C8orf89: variants seen among roughly 807,000 people sequenced by gnomAD.
C8orf89 encodes putative uncharacterized protein C8orf89.
In C8orf89, 14 loss-of-function variants were observed where a neutral mutation model predicts 15.8. The observed-to-expected ratio is 0.89, with a 90% CI of 0.59 to 1.39. The LOEUF (loss-of-function observed/expected upper bound fraction) is 1.39, where lower values mean the gene tolerates loss of function less well. C8orf89 is among the 40% of genes most tolerant of loss of function. The pLI, the probability that C8orf89 is intolerant of heterozygous loss-of-function variation, is 0.00. For synonymous variants in C8orf89, 55 were observed against 62.2 expected, an observed-to-expected ratio of 0.88 and a Z score of 0.54; for missense variants, 181 against 184.5, an observed-to-expected ratio of 0.98 and a Z score of 0.11.
At chr8:73,264,387 GA>G (rs2130301930), upstream of C8orf89, among the ~76,000 whole-genome samples, 1 of 152,274 alleles carries the variant, frequency 6.6e-6, no homozygotes, top group South Asian at 2.1e-4. Context: ...GTGAGCAGAT[GA>G]ATCTGTAAGG....
the C8orf89 span, among the ~76,000 whole-genome samples, chr8:73,274,731 C>T: frequency 3.2e-4 from 48 of 152,162 alleles, no homozygotes; most frequent in African/African-American, 9.6e-4. Flanking sequence ...TTTAACTGCA[C>T]GTAGGTATAG....
chr8:73,254,397 T>A (rs1336793787), intron 2 of C8orf89, among the ~76,000 whole-genome samples: 1 of 152,186 alleles, frequency 6.6e-6, no homozygotes, highest in Non-Finnish European at 1.5e-5. Flanking sequence ...AAATTCTCTT[T>A]TTTGGTTGTG....
chr8:73,277,811 C>G, the C8orf89 span: 1 of 722,216 alleles, frequency 1.4e-6, no homozygotes, highest in East Asian at 2.8e-5. Flanking sequence ...TCCGCACAGC[C>G]ATAATCACAG....
At chr8:73,244,487 T>A (rs1418745157) in intron 3 of C8orf89, among the ~76,000 whole-genome samples, 2 of 152,210 alleles carry the variant, frequency 1.3e-5, no homozygotes, top group African/African-American at 4.8e-5. Flanking sequence ...ATATACAATA[T>A]ACAAATATGT....
At chr8:73,277,088 T>A in the C8orf89 span, among the ~76,000 whole-genome samples, 1 of 152,158 alleles carries the variant, frequency 6.6e-6, no homozygotes, top group Non-Finnish European at 1.5e-5. Flanking sequence ...ATTACAAGCA[T>A]GAGCCACTGC....
the C8orf89 span, among the ~76,000 whole-genome samples, chr8:73,282,284 T>C: frequency 3.3e-5 from 5 of 152,354 alleles, no homozygotes; most frequent in African/African-American, 7.2e-5. Context: ...TATACAACTA[T>C]AATACAAAGC....
At chr8:73,243,521 C>A (rs1392695023) in intron 3 of C8orf89, among the ~76,000 whole-genome samples, 1 of 152,028 alleles carries the variant, frequency 6.6e-6, no homozygotes, top group Non-Finnish European at 1.5e-5. Flanking sequence ...TGTTTACTTT[C>A]TTTTTCTTTT....
chr8:73,244,125 C>T (rs1015118022), intron 3 of C8orf89, among the ~76,000 whole-genome samples: 1 of 152,100 alleles, frequency 6.6e-6, no homozygotes, highest in Non-Finnish European at 1.5e-5. Flanking sequence ...CTCATAAATG[C>T]TAAGTGAAGT....
At chr8:73,283,582 GAAT>G in the C8orf89 span, among the ~76,000 whole-genome samples, 3 of 152,150 alleles carry the variant, frequency 2.0e-5, no homozygotes, top group Non-Finnish European at 4.4e-5. Flanking sequence ...TTCTTTTAAA[GAAT>G]AATAAATACA....
At chr8:73,277,582 C>T in the C8orf89 span, 2 of 763,194 alleles carry the variant, frequency 2.6e-6, no homozygotes, top group African/African-American at 1.7e-5. Flanking sequence ...CACTCCCAGA[C>T]AGATAAATCC....
rs529533407 is a variant in C8orf89 at position 73,248,478 on chromosome 8, A to C, written c.337+1790T>G. Among the ~76,000 whole-genome samples the C allele has an allele frequency of 3.9e-5, 6 of 152,320 alleles. No individual in the cohort carries two copies. The East Asian group carries it at 1.2e-3, about 29-fold the overall frequency. ...ATAGTTTTTTCTAGTTCTATGAAGAATGTCATTGGTAGTTTAATAGGAATC... is the reference window on the plus strand; with the variant it reads ...ATAGTTTTTTCTAGTTCTATGAAGACTGTCATTGGTAGTTTAATAGGAATC... On this transcript the variant is annotated intron_variant, in intron 3 of 3. Coordinates refer to ENST00000624510, the MANE Select transcript of C8orf89 (RefSeq NM_001243237.3).
chr8:73,250,771 T>C (rs1813229328), intron 2 of C8orf89, among the ~76,000 whole-genome samples: 2 of 152,146 alleles, frequency 1.3e-5, no homozygotes, highest in Admixed American at 1.3e-4. Context: ...CTGCTGTGGG[T>C]GAGATAATCC....
At position 73,256,967 on chromosome 8, in the gene C8orf89, A is replaced by G. The variant is rs953665440; in HGVS notation, c.281+6T>C. On this transcript the variant is annotated splice_donor_region_variant and intron_variant, in intron 2 of 3. Coordinates refer to ENST00000624510, the MANE Select transcript of C8orf89 (RefSeq NM_001243237.3). ...AACAAATGAGAATTAAATAGCAATG[A>G]TCTACCTGACTGCAGACACCTCGGC... 24 of 1,530,288 alleles carry G rather than the reference A, an allele frequency of 1.6e-5. No homozygotes were observed. The Admixed American group carries it at 4.8e-4, about 31-fold the overall frequency. The allele number at this position is 1,530,288 out of a possible 1,614,324, so 94.8% of individuals were successfully genotyped here. A position where few individuals can be genotyped will look rare whatever the true frequency, so the allele number is the denominator to read the frequency against.
At chr8:73,254,899 A>G (rs1029378647) in intron 2 of C8orf89, among the ~76,000 whole-genome samples, 84 of 152,360 alleles carry the variant, frequency 5.5e-4, no homozygotes, top group African/African-American at 1.9e-3. Context: ...TGGTGCTGGG[A>G]AAACTGGCTA....
At position 73,241,618 on chromosome 8, in the gene C8orf89, G is replaced by C. The variant is rs1432308986; in HGVS notation, c.338-13C>G. On this transcript the variant is annotated splice_polypyrimidine_tract_variant and intron_variant, in intron 3 of 3. Coordinates refer to ENST00000624510, the MANE Select transcript of C8orf89 (RefSeq NM_001243237.3). ...CTGAAGCCAGAACCTGGAGGAGGAG[G>C]TGGGGAGTCAGCTATTAAAATGAAT... 6.7e-7 allele frequency: 1 copy of C among 1,486,908 alleles called. No homozygotes were observed. Among genetic ancestry groups the C allele is most frequent in the African/African-American group, 1.4e-5 (1 of 71,140 alleles). The allele number at this position is 1,486,908 out of a possible 1,614,324, so 92.1% of individuals were successfully genotyped here.
chr8:73,272,276 G>A, the C8orf89 span, among the ~76,000 whole-genome samples: 1 of 152,060 alleles, frequency 6.6e-6, no homozygotes, highest in East Asian at 1.9e-4. Context: ...CCTTTGACCA[G>A]TTAACTCAGG....
the C8orf89 span, among the ~76,000 whole-genome samples, chr8:73,266,393 T>A: frequency 6.6e-6 from 1 of 152,228 alleles, no homozygotes; most frequent in Non-Finnish European, 1.5e-5. Context: ...GGTGTCATCA[T>A]GACATGGGAA....
Position 73,255,673 on chromosome 8 carries a change from G to A in C8orf89, c.281+1300C>T, listed in dbSNP as rs879467416. 2.7e-3 allele frequency among the ~76,000 whole-genome samples: 405 copies of A among 149,054 alleles called. 4 individuals are homozygous for A. The highest frequency in any genetic ancestry group is 9.6e-3 in the African/African-American group (388 of 40,358). On this transcript the variant is annotated intron_variant, in intron 2 of 3. Coordinates refer to ENST00000624510, the MANE Select transcript of C8orf89 (RefSeq NM_001243237.3). ...ACACATGCACACGTATGTTTATTGC[G>A]GCACTATTCACAATAGCAAAGACTT...
intron 2 of C8orf89, among the ~76,000 whole-genome samples, chr8:73,252,688 A>G (rs1563531607): frequency 6.6e-6 from 1 of 152,176 alleles, no homozygotes; most frequent in East Asian, 1.9e-4. Flanking sequence ...CAAGAAACAT[A>G]TTTTGAAACG....
Sources: allele counts gnomAD v4.1 joint callset (sites outside exome capture counted in the v4.1 genomes callset), GRCh38; gene constraint gnomAD v4.1.1; transcripts MANE v1.5; gene names NCBI Gene and HGNC (gene_info 2026-07-23, HGNC 2026-07-21).